The following MARCHF3 variants were observed in gnomAD, a reference collection of about 807,000 sequenced individuals.
MARCHF3 encodes the protein E3 ubiquitin-protein ligase MARCHF3.
MARCHF3 carries 13 observed loss-of-function variants against 24.2 expected under a neutral mutation model. The observed-to-expected ratio is 0.54, with a 90% CI of 0.35 to 0.85. The LOEUF is 0.85. Among genes scored for constraint, MARCHF3 ranks in the 40% least tolerant of loss-of-function variants. The pLI, the probability that MARCHF3 is intolerant of heterozygous loss-of-function variation, is 0.01. For missense variants in MARCHF3, 276 were observed against 325.0 expected (o/e 0.85, Z 1.16); for synonymous variants, 144 against 137.3 (o/e 1.05, Z -0.34).
At chr5:126,952,613 G>GTTATTT (rs1297085987) in intron 1 of MARCHF3, among the ~76,000 whole-genome samples, 4 of 151,918 alleles carry the variant, frequency 2.6e-5, no homozygotes, top group Non-Finnish European at 5.9e-5. Flanking sequence ...CCCACGTTTT[G>GTTATTT]TTATTTTTAT....
intron 1 of MARCHF3, among the ~76,000 whole-genome samples, chr5:126,979,686 C>T (rs1580702532): frequency 1.3e-5 from 2 of 152,140 alleles, no homozygotes; most frequent in Admixed American, 6.5e-5. Context: ...CAGTGGCTCA[C>T]GCCTGTAATC....
chr5:126,967,014 G>A (rs1423157082), intron 1 of MARCHF3, among the ~76,000 whole-genome samples: 1 of 137,988 alleles, frequency 7.2e-6, no homozygotes, highest in Non-Finnish European at 1.5e-5. Context: ...CAGGTGATTT[G>A]GTTACATGAC....
intron 3 of MARCHF3, chr5:126,898,921 A>G: frequency 1.0e-6 from 1 of 985,266 alleles, no homozygotes; most frequent in Non-Finnish European, 1.2e-6. Context: ...AACAGATTAT[A>G]CATTTTCATA....
At chr5:126,973,763 T>C (rs1480363089) in intron 1 of MARCHF3, among the ~76,000 whole-genome samples, 1 of 152,006 alleles carries the variant, frequency 6.6e-6, no homozygotes, top group Non-Finnish European at 1.5e-5. Flanking sequence ...TTCATCACCA[T>C]CCAAATTGCC....
chr5:126,997,199 G>A (rs1027870732), intron 1 of MARCHF3, among the ~76,000 whole-genome samples: 4 of 152,164 alleles, frequency 2.6e-5, no homozygotes, highest in Admixed American at 6.5e-5. Context: ...TTTAGTAAGT[G>A]GTTACTGAGT....
intron 3 of MARCHF3, among the ~76,000 whole-genome samples, chr5:126,894,502 G>C (rs1317769169): frequency 2.6e-5 from 4 of 151,386 alleles, no homozygotes; most frequent in Non-Finnish European, 5.9e-5. Context: ...AAATCTCTCA[G>C]CATTTGCTTG....
chr5:126,873,456 T>A (rs1753040348), intron 4 of MARCHF3, among the ~76,000 whole-genome samples: 1 of 151,678 alleles, frequency 6.6e-6, no homozygotes, highest in Non-Finnish European at 1.5e-5. Flanking sequence ...CTATTTCCTT[T>A]AAGGCTCTGC....
At chr5:127,011,733 G>T (rs1580486007) in intron 1 of MARCHF3, among the ~76,000 whole-genome samples, 1 of 152,248 alleles carries the variant, frequency 6.6e-6, no homozygotes, top group East Asian at 1.9e-4. Flanking sequence ...ATTTTTAACT[G>T]GTTGGTTATT....
At chr5:127,006,784 G>A (rs1298100313) in intron 1 of MARCHF3, among the ~76,000 whole-genome samples, 1 of 152,066 alleles carries the variant, frequency 6.6e-6, no homozygotes, top group Non-Finnish European at 1.5e-5. Context: ...AGTATTATAT[G>A]GCTTCTACTG....
chr5:126,961,020 G>A (rs955003976), intron 1 of MARCHF3, among the ~76,000 whole-genome samples: 2 of 152,078 alleles, frequency 1.3e-5, no homozygotes, highest in African/African-American at 4.8e-5. Flanking sequence ...GTAACTCCAT[G>A]CTTCTATTAT....
rs572735751 is a variant in MARCHF3, at chr5:126,930,202, C to T, written c.-56-11975G>A. On this transcript the variant is annotated intron_variant, in intron 1 of 4. Transcript: ENST00000308660. ...CACAAAGCAAGTCAAGGGCATCATC[C>T]CTGCCATTTTGCAGTGCTCTTGGAA... Among the ~76,000 whole-genome samples, 4 of 152,276 alleles carry T rather than the reference C, an allele frequency of 2.6e-5. No individual in the cohort carries two copies. In the South Asian group the frequency reaches 8.3e-4, roughly 32 times the overall value.
intron 1 of MARCHF3, among the ~76,000 whole-genome samples, chr5:126,984,136 C>T (rs953785132): frequency 7.9e-5 from 12 of 152,068 alleles, no homozygotes; most frequent in Admixed American, 3.9e-4. Context: ...CATGGGGGTG[C>T]TACTGTCTTT....
At chr5:127,003,417 G>A (rs183664194) in intron 1 of MARCHF3, among the ~76,000 whole-genome samples, 7,627 of 149,976 alleles carry the variant, frequency 0.051, 357 homozygotes, top group South Asian at 0.13. Flanking sequence ...GCAGTGAGCC[G>A]AGATCGCGCC....
At chr5:126,987,374 G>T (rs918981976) in intron 1 of MARCHF3, among the ~76,000 whole-genome samples, 1 of 152,166 alleles carries the variant, frequency 6.6e-6, no homozygotes, top group Non-Finnish European at 1.5e-5. Context: ...AAATAAAAAA[G>T]ACTGTAACAT....
At chr5:127,021,635 T>C (rs1396412332) in intron 1 of MARCHF3, among the ~76,000 whole-genome samples, 2 of 152,184 alleles carry the variant, frequency 1.3e-5, no homozygotes, top group Admixed American at 6.5e-5. Context: ...AAGTGGAAAT[T>C]CATTCAATGT....
chr5:126,897,648 T>C (rs968097268), intron 3 of MARCHF3, among the ~76,000 whole-genome samples: 8 of 151,928 alleles, frequency 5.3e-5, no homozygotes, highest in African/African-American at 1.7e-4. Flanking sequence ...AGATGAACAG[T>C]GACAGGGAGA....
intron 1 of MARCHF3, among the ~76,000 whole-genome samples, chr5:126,986,654 G>C (rs909020700): frequency 6.6e-6 from 1 of 152,140 alleles, no homozygotes; most frequent in Non-Finnish European, 1.5e-5. Context: ...TGATGAAACT[G>C]TCTAGAGTAA....
At chr5:127,017,814 C>CT (rs938271918) in intron 1 of MARCHF3, among the ~76,000 whole-genome samples, 2 of 151,936 alleles carry the variant, frequency 1.3e-5, no homozygotes, top group Non-Finnish European at 2.9e-5. Flanking sequence ...AAATGAATAA[C>CT]TTTTTTTTAG....
At chr5:126,901,811 T>G (rs1346571824) in intron 3 of MARCHF3, among the ~76,000 whole-genome samples, 3 of 152,038 alleles carry the variant, frequency 2.0e-5, no homozygotes, top group Non-Finnish European at 4.4e-5. Flanking sequence ...TCCTGAGAGT[T>G]AATTGTGCCT....
Sources: gnomAD v4.1 joint callset for allele counts (sites outside exome capture counted in the v4.1 genomes callset) on GRCh38, gnomAD v4.1.1 for gene constraint, MANE v1.5 for transcripts, NCBI Gene and HGNC (gene_info 2026-07-23, HGNC 2026-07-21) for gene names.